NRXN1: variants seen among roughly 807,000 people sequenced by gnomAD.
The protein encoded by NRXN1 is neurexin 1, also known as neurexin-1.
NRXN1 carries 39 observed loss-of-function variants against 150.9 expected under a neutral mutation model. The observed-to-expected ratio is 0.26, with a 90% CI of 0.20 to 0.34. The LOEUF is 0.34. Ranked by LOEUF, NRXN1 falls within the 10% of genes least tolerant of loss-of-function variation. The pLI is 1.00. For missense variants in NRXN1, 1,815 were observed against 1,949.9 expected, an observed-to-expected ratio of 0.93 and a Z score of 1.30; for synonymous variants, 924 against 757.0, an observed-to-expected ratio of 1.22 and a Z score of -3.62.
At position 51,028,249 on chromosome 2, in the gene NRXN1, C is replaced by T. The variant is rs1443893312; in HGVS notation, c.25G>A (p.Gly9Arg). 4.1e-6 allele frequency: 6 copies of T among 1,461,814 alleles called. No homozygotes were observed. Among genetic ancestry groups the T allele is most frequent in the Non-Finnish European group, 4.5e-6 (5 of 1,113,846 alleles). 90.6% of individuals were successfully genotyped at this position (1,461,814 alleles called of 1,614,324 possible). The change falls in exon 2 of 23, where the codon GGG becomes AGG. Residue 9 changes from glycine to arginine, a missense_variant. Around this residue, in one of 6 missense-constraint regions of NRXN1, gnomAD observed 554 missense variants for 478.8 expected, o/e 1.16. Transcript: ENST00000401669. ...GAGAGGCACAGAAGAAAACAGCCCCCGCGCTGGAGCAGCGCCGTCCCCATG... is the reference window on the plus strand; with the variant it reads ...GAGAGGCACAGAAGAAAACAGCCCCTGCGCTGGAGCAGCGCCGTCCCCATG... Reference protein sequence around the residue: MGTALLQRGGCFLLCLSLL... With the variant: MGTALLQRRGCFLLCLSLL...
intron 13 of NRXN1, among the ~76,000 whole-genome samples, chr2:50,503,496 A>G (rs2092060097): frequency 6.6e-6 from 1 of 151,808 alleles, no homozygotes; most frequent in Non-Finnish European, 1.5e-5. Flanking sequence ...ACATAGCAAT[A>G]GTGGGTCTAC....
Position 50,143,857 on chromosome 2 carries a change from G to A in NRXN1, c.3547-52363C>T, listed in dbSNP as rs187425014. Among the ~76,000 whole-genome samples the A allele has an allele frequency of 6.6e-5, 10 of 151,912 alleles. No individual in the cohort carries two copies. In the East Asian group the frequency reaches 1.9e-3, roughly 29 times the overall value. ...ATTTTTTAATGGATTTACTGATTAAGCTTCAAAGGCATTTCCAACTCCACA... is the reference window on the plus strand; with the variant it reads ...ATTTTTTAATGGATTTACTGATTAAACTTCAAAGGCATTTCCAACTCCACA... On this transcript the variant is annotated intron_variant, in intron 18 of 22. Coordinates refer to ENST00000401669, the MANE Select transcript of NRXN1 (RefSeq NM_001330078.2).
chr2:50,171,751 A>G (rs1161602133), intron 18 of NRXN1, among the ~76,000 whole-genome samples: 1 of 152,208 alleles, frequency 6.6e-6, no homozygotes, highest in Non-Finnish European at 1.5e-5. Context: ...GAATATCCTT[A>G]AAAGTGCAAT....
intron 2 of NRXN1, among the ~76,000 whole-genome samples, chr2:50,950,968 A>G (rs751271165): frequency 1.6e-4 from 24 of 152,178 alleles, no homozygotes; most frequent in Non-Finnish European, 2.8e-4. Flanking sequence ...ATAACAAGAC[A>G]TTTCTTTCAT....
chr2:50,908,320 A>G (rs909465511), intron 5 of NRXN1, among the ~76,000 whole-genome samples: 4 of 151,626 alleles, frequency 2.6e-5, no homozygotes, highest in Admixed American at 1.3e-4. Flanking sequence ...ATGAATTGAT[A>G]AAACAGTAAC....
At chr2:50,316,818 T>TA (rs796954974) in intron 17 of NRXN1, among the ~76,000 whole-genome samples, 1 of 151,796 alleles carries the variant, frequency 6.6e-6, no homozygotes, top group African/African-American at 2.4e-5. Flanking sequence ...TAAAATAGGG[T>TA]AAAAAAATGT....
At chr2:50,017,162 T>C (rs535910614) in intron 21 of NRXN1, among the ~76,000 whole-genome samples, 15 of 152,308 alleles carry the variant, frequency 9.8e-5, no homozygotes, top group African/African-American at 3.6e-4. Context: ...CCTTCCCTGC[T>C]GTGTGGTGAG....
In NRXN1 at chr2:49,944,038, C is replaced by T. The variant is rs114117770; in HGVS notation, c.4129-247G>A. Among the ~76,000 whole-genome samples the T allele has an allele frequency of 0.016, 2,387 of 152,292 alleles. 34 individuals are homozygous for T. The highest frequency in any genetic ancestry group is 0.025 in the Non-Finnish European group (1,704 of 68,018). Reference sequence around the variant, plus strand: ...TGACAGCCAACTTGTAGATACCCATCCACTCAAATGCAGATAGAAGCTGCA... The same window carrying T: ...TGACAGCCAACTTGTAGATACCCATTCACTCAAATGCAGATAGAAGCTGCA... On this transcript the variant is annotated intron_variant, in intron 21 of 22. Transcript: ENST00000401669.
At chr2:50,465,125 A>C (rs2088680547) in intron 17 of NRXN1, among the ~76,000 whole-genome samples, 1 of 151,906 alleles carries the variant, frequency 6.6e-6, no homozygotes, top group Non-Finnish European at 1.5e-5. Context: ...ATAAAACAAT[A>C]TGAAGGTTCT....
chr2:50,432,699 T>C (rs6705858), intron 17 of NRXN1, among the ~76,000 whole-genome samples: 2,873 of 152,266 alleles, frequency 0.019, 106 homozygotes, highest in African/African-American at 0.066. Context: ...TTTTTCTAAC[T>C]GCCTGGCAGG....
chr2:50,596,863 C>CTT (rs3053104), intron 8 of NRXN1, among the ~76,000 whole-genome samples: 11,894 of 92,096 alleles, frequency 0.13, 1,542 homozygotes, highest in East Asian at 0.3. Context: ...ATTCCTAGGA[C>CTT]TTTTTTTTTT....
intron 6 of NRXN1, among the ~76,000 whole-genome samples, chr2:50,622,168 G>A (rs1239127603): frequency 6.6e-6 from 1 of 152,148 alleles, no homozygotes; most frequent in Admixed American, 6.6e-5. Context: ...CCCCTCCCAT[G>A]TCAATGAGGG....
At chr2:50,701,113 T>C (rs1693682447) in intron 5 of NRXN1, among the ~76,000 whole-genome samples, 1 of 152,202 alleles carries the variant, frequency 6.6e-6, no homozygotes, top group African/African-American at 2.4e-5. Context: ...TTCCTTCCAC[T>C]GATAAAATGT....
intron 17 of NRXN1, among the ~76,000 whole-genome samples, chr2:50,448,826 C>T (rs1209024932): frequency 6.6e-6 from 1 of 151,962 alleles, no homozygotes; most frequent in East Asian, 1.9e-4. Flanking sequence ...AACAGAAGCA[C>T]GTGGCTCCAC....
At chr2:50,938,341 T>C (rs927162474) in intron 2 of NRXN1, among the ~76,000 whole-genome samples, 1 of 152,202 alleles carries the variant, frequency 6.6e-6, no homozygotes, top group African/African-American at 2.4e-5. Context: ...CATCATCATA[T>C]ATGGAGTACA....
chr2:50,960,355 CT>C (rs1692966722), intron 2 of NRXN1, among the ~76,000 whole-genome samples: 1 of 146,022 alleles, frequency 6.8e-6, no homozygotes, highest in African/African-American at 2.5e-5. Flanking sequence ...CCTTTCCTTC[CT>C]TTCCTACCTA....
chr2:50,692,599 T>A (rs565661701), intron 5 of NRXN1, among the ~76,000 whole-genome samples: 142 of 152,282 alleles, frequency 9.3e-4, no homozygotes, highest in Non-Finnish European at 1.1e-3. Context: ...CACAACTTTA[T>A]CCCTATTTTA....
At chr2:50,681,406 C>T (rs964823079) in intron 5 of NRXN1, among the ~76,000 whole-genome samples, 8 of 152,138 alleles carry the variant, frequency 5.3e-5, no homozygotes, top group African/African-American at 1.9e-4. Context: ...GTGTCTTATG[C>T]TTCTATTTTG....
chr2:50,225,622 C>T (rs2064299218), intron 18 of NRXN1, among the ~76,000 whole-genome samples: 1 of 151,742 alleles, frequency 6.6e-6, no homozygotes, highest in South Asian at 2.1e-4. Context: ...AAAAAAGCAC[C>T]AGACTAGGAA....
Sources: allele counts gnomAD v4.1 joint callset (sites outside exome capture counted in the v4.1 genomes callset), GRCh38; gene constraint gnomAD v4.1.1; regional missense constraint gnomAD v4.1.1; transcripts MANE v1.5; gene names NCBI Gene and HGNC (gene_info 2026-07-23, HGNC 2026-07-21).